SPMIP7: variants seen among roughly 807,000 people sequenced by gnomAD.
SPMIP7 encodes protein SPMIP7.
At chr7:50,104,679 C>T in the SPMIP7 span, among the ~76,000 whole-genome samples, 1 of 152,120 alleles carries the variant, frequency 6.6e-6, no homozygotes, top group African/African-American at 2.4e-5. Context: ...ACTTCCTTCA[C>T]TGGCAAGTGT....
the SPMIP7 span, among the ~76,000 whole-genome samples, chr7:50,112,768 C>T: frequency 2.0e-5 from 3 of 152,004 alleles, no homozygotes; most frequent in South Asian, 4.2e-4. Flanking sequence ...GAAAGTGAAA[C>T]CCAAACATAG....
At chr7:50,146,851 T>C in the SPMIP7 span, among the ~76,000 whole-genome samples, 1 of 152,198 alleles carries the variant, frequency 6.6e-6, no homozygotes, top group African/African-American at 2.4e-5. Flanking sequence ...CTCACATGGG[T>C]CTGCACCTGC....
At chr7:50,104,273 G>T in the SPMIP7 span, 23 of 1,084,440 alleles carry the variant, frequency 2.1e-5, no homozygotes, top group Non-Finnish European at 2.7e-5. Flanking sequence ...CTTTTATTGT[G>T]TTTTTAACCA....
At chr7:50,121,730 T>C in the SPMIP7 span, among the ~76,000 whole-genome samples, 5 of 152,160 alleles carry the variant, frequency 3.3e-5, no homozygotes, top group African/African-American at 1.2e-4. Context: ...CTCAGCTCAC[T>C]GCAACCTCCG....
the SPMIP7 span, among the ~76,000 whole-genome samples, chr7:50,098,237 G>GTA: frequency 2.6e-4 from 39 of 152,096 alleles, no homozygotes; most frequent in Non-Finnish European, 5.0e-4. Context: ...TTCCAAACCT[G>GTA]TGTAGACCTT....
the SPMIP7 span, among the ~76,000 whole-genome samples, chr7:50,153,114 G>T: frequency 6.6e-6 from 1 of 152,304 alleles, no homozygotes; most frequent in East Asian, 1.9e-4. Flanking sequence ...AGACAGTAAA[G>T]AAGCACACAA....
At chr7:50,144,225 G>A in the SPMIP7 span, among the ~76,000 whole-genome samples, 1 of 152,152 alleles carries the variant, frequency 6.6e-6, no homozygotes, top group Non-Finnish European at 1.5e-5. Flanking sequence ...TTCCAAAAGT[G>A]TTCATTATGA....
At chr7:50,144,507 A>C in the SPMIP7 span, among the ~76,000 whole-genome samples, 1 of 152,242 alleles carries the variant, frequency 6.6e-6, no homozygotes, top group Non-Finnish European at 1.5e-5. Context: ...ATATTGCCCA[A>C]GCCCTGAATA....
chr7:50,120,896 G>T, the SPMIP7 span, among the ~76,000 whole-genome samples: 7 of 152,138 alleles, frequency 4.6e-5, no homozygotes, highest in Non-Finnish European at 8.8e-5. Context: ...AAATACTGAT[G>T]AATTGTCTTT....
the SPMIP7 span, among the ~76,000 whole-genome samples, chr7:50,143,926 A>G: frequency 4.6e-5 from 7 of 152,182 alleles, no homozygotes; most frequent in South Asian, 2.1e-4. Context: ...CATAGCTTCT[A>G]TTTGTGTAGA....
At chr7:50,156,972 G>T in the SPMIP7 span, among the ~76,000 whole-genome samples, 1 of 152,142 alleles carries the variant, frequency 6.6e-6, no homozygotes, top group African/African-American at 2.4e-5. Context: ...TCCTGAACCT[G>T]AACCTCCTGG....
chr7:50,158,023 C>T, the SPMIP7 span, among the ~76,000 whole-genome samples: 1 of 152,198 alleles, frequency 6.6e-6, no homozygotes, highest in Non-Finnish European at 1.5e-5. Flanking sequence ...AACTTAAATA[C>T]ACTGGCAGAG....
At chr7:50,150,472 C>T in the SPMIP7 span, among the ~76,000 whole-genome samples, 1 of 152,154 alleles carries the variant, frequency 6.6e-6, no homozygotes, top group Non-Finnish European at 1.5e-5. Flanking sequence ...GGCGTTGATA[C>T]GACTCTGCAA....
the SPMIP7 span, among the ~76,000 whole-genome samples, chr7:50,145,614 G>A: frequency 0.26 from 9,935 of 38,334 alleles, 1,943 homozygotes; most frequent in South Asian, 0.36. Context: ...GTGTATATGT[G>A]TGTGTATATA....
the SPMIP7 span, among the ~76,000 whole-genome samples, chr7:50,133,066 GAGA>G: frequency 6.6e-6 from 1 of 152,144 alleles, no homozygotes; most frequent in Non-Finnish European, 1.5e-5. Flanking sequence ...AATAGGGCAG[GAGA>G]AGGTCTGGGG....
At chr7:50,107,385 AGAAAAGAAAAGAAAAAG>A in the SPMIP7 span, among the ~76,000 whole-genome samples, 22 of 42,984 alleles carry the variant, frequency 5.1e-4, no homozygotes, top group South Asian at 1.7e-3. Context: ...AAAAAAAAAA[AGAAAAGAAAAGAAAAAG>A]AAAAAAAAAA....
At chr7:50,111,794 G>C in the SPMIP7 span, among the ~76,000 whole-genome samples, 1 of 151,964 alleles carries the variant, frequency 6.6e-6, no homozygotes, top group African/African-American at 2.4e-5. Flanking sequence ...CTGACAGAGA[G>C]ACCACCATTA....
the SPMIP7 span, among the ~76,000 whole-genome samples, chr7:50,146,419 T>G: frequency 2.6e-5 from 4 of 152,208 alleles, no homozygotes; most frequent in African/African-American, 9.7e-5. Context: ...GTTATACTGT[T>G]TCTACATTCC....
At chr7:50,155,758 A>G in the SPMIP7 span, among the ~76,000 whole-genome samples, 1 of 152,202 alleles carries the variant, frequency 6.6e-6, no homozygotes, top group Non-Finnish European at 1.5e-5. Flanking sequence ...ATTCAGGCCC[A>G]TAGCTGACTC....
Sources: allele counts gnomAD v4.1 joint callset (sites outside exome capture counted in the v4.1 genomes callset), GRCh38; gene constraint gnomAD v4.1.1; transcripts MANE v1.5; gene names NCBI Gene and HGNC (gene_info 2026-07-23, HGNC 2026-07-21).